The following SLC1A3 variants were observed in gnomAD, a reference collection of about 807,000 sequenced individuals.
The protein encoded by SLC1A3 is excitatory amino acid transporter 1.
Under a neutral mutation model 48.1 loss-of-function variants are expected in SLC1A3, and 21 were observed. The observed-to-expected ratio is 0.44, with a 90% confidence interval of 0.31 to 0.63. The LOEUF (loss-of-function observed/expected upper bound fraction) is 0.63. Ranked by LOEUF, SLC1A3 falls within the 20% of genes least tolerant of loss-of-function variation. SLC1A3 has a pLI of 0.08. For missense variants in SLC1A3, 546 were observed against 689.0 expected (o/e 0.79, Z 2.32); for synonymous variants, 239 against 251.4 (o/e 0.95, Z 0.47).
chr5:36,660,459 C>CT (rs1741459545), intron 3 of SLC1A3, among the ~76,000 whole-genome samples: 1 of 152,128 alleles, frequency 6.6e-6, no homozygotes, highest in African/African-American at 2.4e-5. Flanking sequence ...CAACTCCCTC[C>CT]TAGAGAAGGA....
chr5:36,598,490 A>G (rs1738768873), intron 1 of SLC1A3, among the ~76,000 whole-genome samples: 1 of 152,224 alleles, frequency 6.6e-6, no homozygotes, highest in South Asian at 2.1e-4. Context: ...AGAGGAATTC[A>G]TGAGCCCTAC....
intron 2 of SLC1A3, among the ~76,000 whole-genome samples, chr5:36,626,313 A>T (rs1421662874): frequency 6.6e-6 from 1 of 152,168 alleles, no homozygotes; most frequent in Non-Finnish European, 1.5e-5. Context: ...TGCTTCTAGA[A>T]CCTATATCAT....
At chr5:36,606,011 C>T (rs149755022), upstream of SLC1A3, among the ~76,000 whole-genome samples, 447 of 152,336 alleles carry the variant, frequency 2.9e-3, no homozygotes, top group Non-Finnish European at 4.4e-3. Context: ...GTCTTTGCAA[C>T]ACAGGCAGTG....
intron 2 of SLC1A3, among the ~76,000 whole-genome samples, chr5:36,619,087 C>G (rs528065130): frequency 6.6e-6 from 1 of 152,158 alleles, no homozygotes; most frequent in African/African-American, 2.4e-5. Flanking sequence ...TTTGGGCACC[C>G]CTGGTGGAAC....
chr5:36,615,699 T>C (rs1739402414), intron 2 of SLC1A3, among the ~76,000 whole-genome samples: 1 of 152,234 alleles, frequency 6.6e-6, no homozygotes, highest in Non-Finnish European at 1.5e-5. Context: ...GAGCCTAACC[T>C]GTTTAGAGGA....
intron 8 of SLC1A3, among the ~76,000 whole-genome samples, chr5:36,683,031 A>C (rs1742498721): frequency 1.3e-5 from 2 of 152,252 alleles, no homozygotes; most frequent in African/African-American, 2.4e-5. Flanking sequence ...CTAATACTAT[A>C]AAACTTTGTT....
chr5:36,636,238 A>G (rs1740346734), intron 3 of SLC1A3: 1 of 152,132 alleles, frequency 6.6e-6, no homozygotes, highest in Non-Finnish European at 1.5e-5. Context: ...AGAAGACAAG[A>G]TTTCTGCCCT....
intron 3 of SLC1A3, among the ~76,000 whole-genome samples, chr5:36,659,340 C>T (rs1251637520): frequency 1.3e-5 from 2 of 152,202 alleles, no homozygotes; most frequent in Admixed American, 1.3e-4. Flanking sequence ...CAGCACAGTG[C>T]CTGGCAGTAG....
intron 3 of SLC1A3, among the ~76,000 whole-genome samples, chr5:36,662,669 GC>G (rs1741564889): frequency 6.6e-6 from 1 of 152,190 alleles, no homozygotes; most frequent in African/African-American, 2.4e-5. Flanking sequence ...CGGGGCTCGC[GC>G]CGGCAGCTGT....
At chr5:36,616,432 C>T (rs1014544202) in intron 2 of SLC1A3, among the ~76,000 whole-genome samples, 8 of 152,190 alleles carry the variant, frequency 5.3e-5, no homozygotes, top group Non-Finnish European at 1.0e-4. Flanking sequence ...CAAAGATTGG[C>T]AGGTAAATTT....
At chr5:36,605,478 G>T (rs1738895327), upstream of SLC1A3, among the ~76,000 whole-genome samples, 1 of 152,140 alleles carries the variant, frequency 6.6e-6, no homozygotes, top group Non-Finnish European at 1.5e-5. Context: ...TACAGTTGAG[G>T]GTGAAAGGAG....
chr5:36,653,302 A>T (rs1741159318), intron 3 of SLC1A3, among the ~76,000 whole-genome samples: 1 of 152,196 alleles, frequency 6.6e-6, no homozygotes, highest in Non-Finnish European at 1.5e-5. Context: ...GGTTTTCAAA[A>T]TTTAGGTTAT....
chr5:36,612,685 CTTTA>C (rs1305967634), intron 2 of SLC1A3: 1 of 411,310 alleles, frequency 2.4e-6, no homozygotes, highest in Middle Eastern at 3.5e-4. Context: ...AGTGTATTAA[CTTTA>C]TTTAATTCTC....
chr5:36,680,287 A>C, intron 7 of SLC1A3, 108 bp from the exon 8 acceptor site: 1 of 918,626 alleles, frequency 1.1e-6, no homozygotes, highest in African/African-American at 1.6e-5. Flanking sequence ...AGTTCCCTTT[A>C]AGTTAGAACA....
chr5:36,636,781 C>A (rs1016649841), intron 3 of SLC1A3, among the ~76,000 whole-genome samples: 2 of 151,964 alleles, frequency 1.3e-5, no homozygotes, highest in Middle Eastern at 3.2e-3. Context: ...ACGACAGAAA[C>A]CTTCCCTTTC....
At chr5:36,660,968 A>G (rs958788985) in intron 3 of SLC1A3, among the ~76,000 whole-genome samples, 2 of 151,924 alleles carry the variant, frequency 1.3e-5, no homozygotes, top group Non-Finnish European at 2.9e-5. Flanking sequence ...TCTCAGCTCT[A>G]TCTCCACAAT....
rs182587824 is a variant in SLC1A3, at chr5:36,665,297, A to G, written c.320-5732A>G. Among the ~76,000 whole-genome samples the G allele has an allele frequency of 1.3e-4, 20 of 152,360 alleles. No homozygotes were observed. The East Asian group carries it at 3.3e-3, about 25-fold the overall frequency. On this transcript the variant is annotated intron_variant, in intron 3 of 9. Coordinates refer to ENST00000265113, the MANE Select transcript of SLC1A3 (RefSeq NM_004172.5). The stretch of plus-strand genomic sequence containing the variant: ...TAAGAATGGCTGGTTATTCAAAAAA[A>G]TGATTATTGAGCCCCTCTATGTGCA...
chr5:36,623,112 C>G (rs1486915642), intron 2 of SLC1A3, among the ~76,000 whole-genome samples: 1 of 151,172 alleles, frequency 6.6e-6, no homozygotes. Flanking sequence ...CAAAGAGAAA[C>G]TATTTAAGCA....
intron 2 of SLC1A3, 23 bp from the exon 3 acceptor site, chr5:36,629,427 C>CTTTTTTTTTTTTTTTTT: frequency 2.1e-6 from 3 of 1,456,532 alleles, no homozygotes; most frequent in Admixed American, 1.8e-5. Flanking sequence ...TTTTCTTTTT[C>CTTTTTTTTTTTTTTTTT]TTTTTTTTTT....
Sources: gnomAD v4.1 joint callset for allele counts (sites outside exome capture counted in the v4.1 genomes callset) on GRCh38, gnomAD v4.1.1 for gene constraint, MANE v1.5 for transcripts, NCBI Gene and HGNC (gene_info 2026-07-23, HGNC 2026-07-21) for gene names.